Variants in CALN1 observed in about 807,000 individuals in gnomAD.
CALN1 encodes the protein calcium-binding protein 8.
Under a neutral mutation model 30.6 loss-of-function variants are expected in CALN1, and 17 were observed. The ratio of observed to expected loss-of-function variants is 0.56; its 90% confidence interval spans 0.38 to 0.83. The LOEUF is 0.83. CALN1 is among the 40% of genes least tolerant of loss of function. The pLI is 0.00. For missense variants in CALN1, 291 were observed against 354.9 expected, an observed-to-expected ratio of 0.82 and a Z score of 1.45; for synonymous variants, 156 against 131.4, an observed-to-expected ratio of 1.19 and a Z score of -1.28.
chr7:72,186,372 A>T (rs2129546471), intron 3 of CALN1, among the ~76,000 whole-genome samples: 1 of 152,218 alleles, frequency 6.6e-6, no homozygotes, highest in African/African-American at 2.4e-5. Context: ...AGAAGACAGC[A>T]AGAGTGGAAG....
chr7:72,364,970 G>A (rs12113511), intron 2 of CALN1, among the ~76,000 whole-genome samples: 55,449 of 150,970 alleles, frequency 0.37, 10,849 homozygotes, highest in Admixed American at 0.44. Context: ...AGGAGTTTGG[G>A]ATCAGCTTGG....
At chr7:71,970,516 T>G (rs922093958) in intron 5 of CALN1, among the ~76,000 whole-genome samples, 6 of 152,136 alleles carry the variant, frequency 3.9e-5, no homozygotes, top group African/African-American at 1.2e-4. Flanking sequence ...ATTTTAGGCT[T>G]TGGCCGTTAA....
chr7:71,880,978 G>A (rs1370802284), intron 5 of CALN1, among the ~76,000 whole-genome samples: 16 of 152,138 alleles, frequency 1.1e-4, no homozygotes. Flanking sequence ...GACTGGGAGA[G>A]GCAGATCCAC....
At chr7:71,886,267 G>T (rs1311528272) in intron 5 of CALN1, among the ~76,000 whole-genome samples, 1 of 152,222 alleles carries the variant, frequency 6.6e-6, no homozygotes, top group Non-Finnish European at 1.5e-5. Flanking sequence ...GGGTCCTTAG[G>T]ACAGCTCAAA....
chr7:72,061,776 G>A (rs1380847066), intron 4 of CALN1, among the ~76,000 whole-genome samples: 8 of 121,886 alleles, frequency 6.6e-5, no homozygotes, highest in East Asian at 2.4e-4. Context: ...CGGCCTGGGC[G>A]ACAGAGCAAG....
chr7:72,270,208 A>T (rs1369092093), intron 3 of CALN1, among the ~76,000 whole-genome samples: 1 of 152,050 alleles, frequency 6.6e-6, no homozygotes, highest in Non-Finnish European at 1.5e-5. Flanking sequence ...TATAATCCCA[A>T]CTACTTAGGA....
At chr7:72,002,212 G>T (rs1424714645) in intron 5 of CALN1, among the ~76,000 whole-genome samples, 1 of 152,142 alleles carries the variant, frequency 6.6e-6, no homozygotes, top group African/African-American at 2.4e-5. Context: ...AAAAACCACT[G>T]TAAATTGCAA....
At chr7:71,855,963 T>C (rs1020363531) in intron 5 of CALN1, among the ~76,000 whole-genome samples, 2 of 152,150 alleles carry the variant, frequency 1.3e-5, no homozygotes, top group African/African-American at 4.8e-5. Context: ...TATGTCTGTG[T>C]GCGTGCACAT....
intron 4 of CALN1, among the ~76,000 whole-genome samples, chr7:72,036,123 T>C (rs1801780211): frequency 6.6e-6 from 1 of 152,260 alleles, no homozygotes; most frequent in African/African-American, 2.4e-5. Context: ...TATTCCATTC[T>C]TGATTGACAG....
At chr7:72,458,159 ATATATTTTATTTTATGTAT>A in the CALN1 span, among the ~76,000 whole-genome samples, 130 of 132,312 alleles carry the variant, frequency 9.8e-4, no homozygotes, top group Middle Eastern at 3.8e-3. Flanking sequence ...ATATTTATAT[ATATATTTTATTTTATGTAT>A]TATATTTAAT....
intron 3 of CALN1, among the ~76,000 whole-genome samples, chr7:72,232,137 C>G (rs1209272450): frequency 1.3e-5 from 2 of 152,108 alleles, no homozygotes; most frequent in African/African-American, 4.8e-5. Flanking sequence ...TTCTAGGGGT[C>G]AGAAGAAACT....
At chr7:71,902,240 CCAACCAACCAACCAACCAACCAACCAAT>C (rs1793892338) in intron 5 of CALN1, among the ~76,000 whole-genome samples, 3 of 128,336 alleles carry the variant, frequency 2.3e-5, no homozygotes, top group African/African-American at 9.9e-5. Context: ...AACCAACCAA[CCAACCAACCAACCAACCAACCAACCAAT>C]CAAAAAAAAA....
chr7:71,859,584 A>G (rs1275722396), intron 5 of CALN1, among the ~76,000 whole-genome samples: 1 of 152,204 alleles, frequency 6.6e-6, no homozygotes, highest in Admixed American at 6.5e-5. Context: ...GTACACTCCA[A>G]ATTCATTTGA....
chr7:72,293,469 T>TG (rs1182026579), intron 2 of CALN1, among the ~76,000 whole-genome samples: 2 of 152,194 alleles, frequency 1.3e-5, no homozygotes, highest in Non-Finnish European at 2.9e-5. Flanking sequence ...CCCCAGCCTC[T>TG]CTCTTTTTCC....
intron 3 of CALN1, among the ~76,000 whole-genome samples, chr7:72,264,744 C>T (rs1160434162): frequency 6.6e-6 from 1 of 152,124 alleles, no homozygotes; most frequent in Non-Finnish European, 1.5e-5. Flanking sequence ...AAACTTGTGT[C>T]ATAGGGGTTT....
At chr7:72,006,786 T>A (rs1799794543) in intron 5 of CALN1, among the ~76,000 whole-genome samples, 1 of 152,170 alleles carries the variant, frequency 6.6e-6, no homozygotes, top group South Asian at 2.1e-4. Context: ...AATTCAAATA[T>A]AAAGCTCATG....
In CALN1 at chr7:72,168,205, C is replaced by G. The variant is rs560161976; in HGVS notation, c.245-61911G>C. ...GCATTAAAATTCATTTACATTTTCT[C>G]AACACATACTTAATTTTTGCAAACA... On this transcript the variant is annotated intron_variant, in intron 3 of 6. Coordinates refer to ENST00000395275, the MANE Select transcript of CALN1 (RefSeq NM_031468.4). 2.1e-4 allele frequency among the ~76,000 whole-genome samples: 31 copies of G among 147,980 alleles called. No individual in the cohort carries two copies. In the South Asian group the frequency reaches 2.2e-3, roughly 10 times the overall value.
chr7:71,878,883 A>G (rs763651531), intron 5 of CALN1, among the ~76,000 whole-genome samples: 13 of 152,250 alleles, frequency 8.5e-5, no homozygotes, highest in Non-Finnish European at 1.8e-4. Context: ...CAAGAGGAGC[A>G]GAAGAATCAG....
In CALN1 at chr7:72,106,254, G is replaced by T; in HGVS notation, c.285C>A (p.Asn95Lys). The T allele has an allele frequency of 1.9e-6, 3 of 1,613,980 alleles. No individual in the cohort carries two copies. The highest frequency in any genetic ancestry group is 2.5e-6 in the Non-Finnish European group (3 of 1,180,002). ...CCAGCTCCTGCTTGGAGATGAAGCC[G>T]TTCCCATCCCGGTCCAGAACCCGAA... ...EAFRVLDRDG[N>K]GFISKQELGM... The change falls in exon 4 of 7, where the codon AAC becomes AAA. Residue 95 changes from asparagine to lysine, a missense_variant. Physicochemically the swap from Asn to Lys is moderately conservative, Grantham distance 94. Coordinates refer to ENST00000395275, the MANE Select transcript of CALN1 (RefSeq NM_031468.4).
Sources: allele counts gnomAD v4.1 joint callset (sites outside exome capture counted in the v4.1 genomes callset), GRCh38; gene constraint gnomAD v4.1.1; transcripts MANE v1.5; gene names NCBI Gene and HGNC (gene_info 2026-07-23, HGNC 2026-07-21).